CAMSAP2: variants seen among roughly 807,000 people sequenced by gnomAD.
CAMSAP2 encodes calmodulin regulated spectrin associated protein family member 2, also known as calmodulin-regulated spectrin-associated protein 2.
Under a neutral mutation model 146.1 loss-of-function variants are expected in CAMSAP2, and 26 were observed. That is an observed-to-expected ratio of 0.18 (90% CI 0.13 to 0.25). CAMSAP2 has a LOEUF of 0.25. CAMSAP2 is among the 10% of genes least tolerant of loss of function. The pLI is 1.00. For synonymous variants in CAMSAP2, 499 were observed against 596.6 expected (o/e 0.84, Z 2.38); for missense variants, 1,381 against 1,759.3 (o/e 0.78, Z 3.85).
rs199860064 is a variant in CAMSAP2, at chr1:200,803,941, C to A, written c.400-3435C>A. On this transcript the variant is annotated intron_variant, in intron 2 of 16. Transcript: ENST00000358823. ...ATGTTCTGTTTTTCTTTTTTTTTTT[C>A]TTTGAGACAGAGTCTTGCTCTGTTG... Among the ~76,000 whole-genome samples the A allele has an allele frequency of 9.3e-3, 1,128 of 121,284 alleles. 11 individuals carry two copies. Among genetic ancestry groups the A allele is most frequent in the Middle Eastern group, 0.055 (13 of 238 alleles). 79.6% of individuals were successfully genotyped at this position (121,284 alleles called of 152,430 possible). A position where few individuals can be genotyped will look rare whatever the true frequency, so the allele number is the denominator to read the frequency against.
intron 13 of CAMSAP2, among the ~76,000 whole-genome samples, chr1:200,854,147 C>CT (rs1377145122): frequency 6.6e-6 from 1 of 151,924 alleles, no homozygotes; most frequent in East Asian, 1.9e-4. Flanking sequence ...ACCCAGCTAA[C>CT]TTTTTTGTAT....
intron 2 of CAMSAP2, among the ~76,000 whole-genome samples, chr1:200,802,456 A>G (rs1571770880): frequency 6.6e-6 from 1 of 152,256 alleles, no homozygotes; most frequent in African/African-American, 2.4e-5. Context: ...AAGTGTTTAT[A>G]TAGATAAATG....
At chr1:200,777,053 G>A (rs1665301521) in intron 2 of CAMSAP2, among the ~76,000 whole-genome samples, 1 of 152,176 alleles carries the variant, frequency 6.6e-6, no homozygotes, top group Admixed American at 6.5e-5. Flanking sequence ...TCATAAGGAA[G>A]AGAGAATGAG....
intron 2 of CAMSAP2, among the ~76,000 whole-genome samples, chr1:200,775,045 G>A (rs1439846559): frequency 6.6e-6 from 1 of 152,166 alleles, no homozygotes; most frequent in African/African-American, 2.4e-5. Flanking sequence ...TGCAGGAAAT[G>A]GTAAATGCTG....
At chr1:200,817,342 A>G (rs1369991710) in intron 4 of CAMSAP2, among the ~76,000 whole-genome samples, 1 of 122,792 alleles carries the variant, frequency 8.1e-6, no homozygotes, top group Non-Finnish European at 2.0e-5. Context: ...AAACATTAAC[A>G]TGGATTTATT....
At chr1:200,856,744 A>G (rs1667761099) in intron 15 of CAMSAP2, among the ~76,000 whole-genome samples, 1 of 152,196 alleles carries the variant, frequency 6.6e-6, no homozygotes, top group Non-Finnish European at 1.5e-5. Flanking sequence ...AGATGCCTCC[A>G]TCTATCCATG....
At chr1:200,839,213 G>A (rs1401814069) in intron 6 of CAMSAP2, among the ~76,000 whole-genome samples, 1 of 152,200 alleles carries the variant, frequency 6.6e-6, no homozygotes, top group Non-Finnish European at 1.5e-5. Flanking sequence ...AAATCTGTTT[G>A]ATTTAGCAAC....
chr1:200,770,133 G>A (rs942947243), intron 2 of CAMSAP2, among the ~76,000 whole-genome samples: 2 of 152,144 alleles, frequency 1.3e-5, no homozygotes, highest in African/African-American at 2.4e-5. Context: ...GTGTGGAAAC[G>A]GGATAGGACC....
At chr1:200,740,961 A>G (rs1664154494) in intron 1 of CAMSAP2, among the ~76,000 whole-genome samples, 1 of 152,202 alleles carries the variant, frequency 6.6e-6, no homozygotes, top group Admixed American at 6.5e-5. Context: ...TATTTGTTGA[A>G]AAGTTCCCTA....
rs181015118 is a variant in CAMSAP2, at chr1:200,854,506, T to C, written c.3824-311T>C. On this transcript the variant is annotated intron_variant, in intron 13 of 16. Transcript: ENST00000358823. ...TACCTAGAATTTAGATATTATGAAA[T>C]TTTTTTTTGTTATTGTTTTTTTCTT... 8.4e-3 allele frequency among the ~76,000 whole-genome samples: 1,269 copies of C among 151,862 alleles called. 6 individuals carry two copies. Among genetic ancestry groups the C allele is most frequent in the South Asian group, 0.02 (98 of 4,824 alleles).
chr1:200,838,931 C>T (rs78660631), intron 6 of CAMSAP2, among the ~76,000 whole-genome samples: 1 of 152,070 alleles, frequency 6.6e-6, no homozygotes, highest in Non-Finnish European at 1.5e-5. Context: ...AGGATGACTC[C>T]TAGGTTTCTG....
At chr1:200,855,188 C>A (rs967635867) in intron 14 of CAMSAP2, among the ~76,000 whole-genome samples, 3 of 152,058 alleles carry the variant, frequency 2.0e-5, no homozygotes, top group African/African-American at 7.2e-5. Flanking sequence ...TAATTGCTAA[C>A]ATGATTATTA....
intron 11 of CAMSAP2, among the ~76,000 whole-genome samples, chr1:200,850,568 A>AT (rs35030299): frequency 2.8e-4 from 43 of 152,060 alleles, no homozygotes; most frequent in East Asian, 3.9e-4. Context: ...TAACACTGCC[A>AT]TTTTTTTTAA....
At chr1:200,791,493 G>A (rs1284512857) in intron 2 of CAMSAP2, among the ~76,000 whole-genome samples, 6 of 151,980 alleles carry the variant, frequency 3.9e-5, no homozygotes, top group African/African-American at 1.2e-4. Flanking sequence ...ATAACTGCTT[G>A]CTATTGTCCC....
At chr1:200,814,920 T>G (rs1666441238) in intron 3 of CAMSAP2, among the ~76,000 whole-genome samples, 1 of 152,044 alleles carries the variant, frequency 6.6e-6, no homozygotes, top group South Asian at 2.1e-4. Flanking sequence ...AAACCAAAAA[T>G]TATCTAAAGT....
intron 2 of CAMSAP2, among the ~76,000 whole-genome samples, chr1:200,780,835 G>T (rs1435921587): frequency 6.6e-6 from 1 of 152,200 alleles, no homozygotes; most frequent in African/African-American, 2.4e-5. Flanking sequence ...ACCTGGGATG[G>T]CTACTTAACG....
At chr1:200,842,546 T>C (rs1056693453) in intron 7 of CAMSAP2, among the ~76,000 whole-genome samples, 1 of 152,150 alleles carries the variant, frequency 6.6e-6, no homozygotes, top group Non-Finnish European at 1.5e-5. Context: ...ATAATAAGAA[T>C]AAAATTAGTA....
intron 2 of CAMSAP2, among the ~76,000 whole-genome samples, chr1:200,771,790 C>A (rs1322043735): frequency 2.0e-5 from 3 of 152,152 alleles, no homozygotes; most frequent in Admixed American, 6.5e-5. Context: ...CTTATAGAAG[C>A]AGTGCCCTAG....
At chr1:200,806,669 C>G (rs1666179293) in intron 2 of CAMSAP2, among the ~76,000 whole-genome samples, 1 of 151,838 alleles carries the variant, frequency 6.6e-6, no homozygotes, top group Non-Finnish European at 1.5e-5. Context: ...GAATATATAC[C>G]AGACTGAAGA....
Sources: gnomAD v4.1 joint callset for allele counts (sites outside exome capture counted in the v4.1 genomes callset) on GRCh38, gnomAD v4.1.1 for gene constraint, MANE v1.5 for transcripts, NCBI Gene and HGNC (gene_info 2026-07-23, HGNC 2026-07-21) for gene names.